Variants in DIAPH3 observed in about 807,000 individuals in gnomAD.
DIAPH3 encodes the protein diaphanous related formin 3, also known as protein diaphanous homolog 3.
DIAPH3 carries 117 observed loss-of-function variants against 144.3 expected under a neutral mutation model. The observed-to-expected ratio is 0.81, with a 90% CI of 0.70 to 0.95. The LOEUF (loss-of-function observed/expected upper bound fraction) is 0.95. Ranked by LOEUF, DIAPH3 falls within the 40% of genes least tolerant of loss-of-function variation. The probability of loss-of-function intolerance (pLI) is 0.00; values close to 1 mark genes in which losing one functional copy is unlikely to be tolerated. For synonymous variants in DIAPH3, 519 were observed against 488.9 expected, an observed-to-expected ratio of 1.06 and a Z score of -0.81; for missense variants, 1,421 against 1,412.7, an observed-to-expected ratio of 1.01 and a Z score of -0.09.
intron 9 of DIAPH3, among the ~76,000 whole-genome samples, chr13:60,003,706 TG>T (rs1321074078): frequency 5.3e-5 from 8 of 151,952 alleles, no homozygotes; most frequent in African/African-American, 1.7e-4. Context: ...CCCGAGTAGC[TG>T]GGACTATAGG....
chr13:59,918,216 A>G (rs2047325971), intron 18 of DIAPH3, among the ~76,000 whole-genome samples: 1 of 151,558 alleles, frequency 6.6e-6, no homozygotes, highest in African/African-American at 2.4e-5. Flanking sequence ...AGGAAAAAAA[A>G]AAAAAAAAGA....
intron 1 of DIAPH3, among the ~76,000 whole-genome samples, chr13:60,143,248 G>A (rs1343230857): frequency 6.6e-6 from 1 of 152,130 alleles, no homozygotes; most frequent in East Asian, 1.9e-4. Flanking sequence ...TGCCTTCCTA[G>A]CACTTTTACA....
At chr13:60,005,278 A>G (rs1027621481) in intron 9 of DIAPH3, among the ~76,000 whole-genome samples, 1 of 152,180 alleles carries the variant, frequency 6.6e-6, no homozygotes, top group Non-Finnish European at 1.5e-5. Flanking sequence ...GCATGATTAC[A>G]TTTACGTGAA....
At chr13:59,797,086 G>A (rs1290142677) in intron 25 of DIAPH3, among the ~76,000 whole-genome samples, 1 of 151,710 alleles carries the variant, frequency 6.6e-6, no homozygotes, top group Non-Finnish European at 1.5e-5. Context: ...TATTAACAGA[G>A]AATAGCAATA....
chr13:59,892,089 G>A (rs1420634008), intron 20 of DIAPH3, among the ~76,000 whole-genome samples: 2 of 151,920 alleles, frequency 1.3e-5, no homozygotes, highest in African/African-American at 4.8e-5. Context: ...AGCAGAGGGA[G>A]AAGGGGAGAA....
At chr13:59,917,423 A>T (rs2047272717) in intron 18 of DIAPH3, among the ~76,000 whole-genome samples, 2 of 152,146 alleles carry the variant, frequency 1.3e-5, no homozygotes, top group Admixed American at 1.3e-4. Flanking sequence ...GATTTGTGAG[A>T]ATATCATGTA....
At position 60,092,519 on chromosome 13, in the gene DIAPH3, C is replaced by T. The variant is rs532337358; in HGVS notation, c.495+1109G>A. On this transcript the variant is annotated intron_variant, in intron 4 of 27. Coordinates refer to ENST00000400324, the MANE Select transcript of DIAPH3 (RefSeq NM_001042517.2). The stretch of plus-strand genomic sequence containing the variant: ...TACAAAAAATTTCCAGGCGTGGTGG[C>T]AGGCGCCTGTAGTCCCAGCTACTCC... Among the ~76,000 whole-genome samples the T allele has an allele frequency of 4.0e-3, 602 of 152,236 alleles. 3 individuals are homozygous for T. The highest frequency in any genetic ancestry group is 0.014 in the African/African-American group (574 of 41,552).
In DIAPH3 at chr13:59,992,731, CTACA is replaced by C; in HGVS notation, c.1015-152_1015-149del. 6 of 657,706 alleles carry C rather than the reference CTACA, an allele frequency of 9.1e-6. No individual in the cohort carries two copies. The South Asian group carries it at 1.1e-4, about 12-fold the overall frequency. The allele number at this position is 657,706 out of a possible 1,614,324, so 40.7% of individuals were successfully genotyped here. A position where few individuals can be genotyped will look rare whatever the true frequency, so the allele number is the denominator to read the frequency against. ...GCAAAATATTTCAGTCAGTTATAAA[CTACA>C]GAAGAAATAAAGTTTCAGTGGCGTT... On this transcript the variant is annotated intron_variant, in intron 9 of 27. Coordinates refer to ENST00000400324, the MANE Select transcript of DIAPH3 (RefSeq NM_001042517.2).
chr13:59,755,486 G>A (rs1261854204), intron 27 of DIAPH3, among the ~76,000 whole-genome samples: 1 of 151,856 alleles, frequency 6.6e-6, no homozygotes, highest in Non-Finnish European at 1.5e-5. Context: ...ACAGGATGAA[G>A]TTCAATTAAG....
intron 2 of DIAPH3, among the ~76,000 whole-genome samples, chr13:60,119,019 G>T (rs546045722): frequency 3.9e-5 from 6 of 152,218 alleles, no homozygotes; most frequent in African/African-American, 1.4e-4. Context: ...AAATGTAAGT[G>T]CCATGCTAGA....
chr13:59,806,749 T>C (rs1299214206), intron 25 of DIAPH3, among the ~76,000 whole-genome samples: 1 of 151,856 alleles, frequency 6.6e-6, no homozygotes, highest in Non-Finnish European at 1.5e-5. Flanking sequence ...AAAAGAACAA[T>C]AAAAAGTGGC....
chr13:59,992,103 T>C lies in DIAPH3; in HGVS notation c.1209A>G (p.Leu403=), dbSNP rs368126356. Residue 403 remains leucine, a synonymous_variant, in exon 11 of 28, where the codon TTA becomes TTG. Transcript: ENST00000400324. ...DEHKEEDLFE[L]SHRLEDIRAE... is the part of the protein sequence containing the mutation. Reference sequence around the variant, plus strand: ...CTCTAATATCTTCAAGGCGATGGGATAACTCAAACAAATCTTCTTCTTTAT... The same window carrying C: ...CTCTAATATCTTCAAGGCGATGGGACAACTCAAACAAATCTTCTTCTTTAT... 3.1e-6 allele frequency: 5 copies of C among 1,611,862 alleles called. No homozygotes were observed. Among genetic ancestry groups the C allele is most frequent in the African/African-American group, 2.7e-5 (2 of 74,790 alleles).
chr13:59,950,207 G>C (rs566925386), intron 17 of DIAPH3, among the ~76,000 whole-genome samples: 1 of 152,194 alleles, frequency 6.6e-6, no homozygotes, highest in East Asian at 1.9e-4. Context: ...CCTCCCTAAT[G>C]TAAACACAAC....
intron 5 of DIAPH3, among the ~76,000 whole-genome samples, chr13:60,032,528 C>G (rs1177707828): frequency 6.6e-6 from 1 of 152,220 alleles, no homozygotes; most frequent in East Asian, 1.9e-4. Flanking sequence ...CTTGCACTCT[C>G]TGGAGCTGTG....
At chr13:60,053,241 G>T (rs1269314704) in intron 4 of DIAPH3, among the ~76,000 whole-genome samples, 1 of 151,850 alleles carries the variant, frequency 6.6e-6, no homozygotes, top group Admixed American at 6.6e-5. Flanking sequence ...GGAAGGAAAG[G>T]ATACTCACGG....
chr13:59,759,980 C>T (rs921519291), intron 27 of DIAPH3, among the ~76,000 whole-genome samples: 1 of 151,154 alleles, frequency 6.6e-6, no homozygotes, highest in East Asian at 2.0e-4. Flanking sequence ...AACAAACAAA[C>T]AAAAAGTGAT....
chr13:60,008,576 C>T lies in DIAPH3; in HGVS notation c.982G>A (p.Glu328Lys). The part of the protein sequence containing the change: ...KKIDRFFCIV[E>K]GLRHNSVQLQ... ...TGAACTGAATTGTGCCGGAGGCCTT[C>T]CACAATACAAAAAAATCTGTCAATT... Residue 328 changes from glutamate to lysine, a missense_variant, in exon 9 of 28, where the codon GAA (glutamate) becomes AAA (lysine). Coordinates refer to ENST00000400324, the MANE Select transcript of DIAPH3 (RefSeq NM_001042517.2). 1 of 1,613,564 alleles carries T rather than the reference C, an allele frequency of 6.2e-7. No individual in the cohort carries two copies. The highest frequency in any genetic ancestry group is 1.1e-5 in the South Asian group (1 of 91,062).
At chr13:59,723,045 G>T (rs1464387528) in intron 27 of DIAPH3, among the ~76,000 whole-genome samples, 1 of 152,114 alleles carries the variant, frequency 6.6e-6, no homozygotes, top group Non-Finnish European at 1.5e-5. Context: ...TGAGGAAGAG[G>T]TTCTAAAACT....
intron 27 of DIAPH3, among the ~76,000 whole-genome samples, chr13:59,745,930 T>A (rs555598039): frequency 2.0e-5 from 3 of 152,346 alleles, no homozygotes; most frequent in African/African-American, 7.2e-5. Context: ...TCTGGAATGA[T>A]ATGAATTGAA....
Sources: gnomAD v4.1 joint callset for allele counts (sites outside exome capture counted in the v4.1 genomes callset) on GRCh38, gnomAD v4.1.1 for gene constraint, MANE v1.5 for transcripts, NCBI Gene and HGNC (gene_info 2026-07-23, HGNC 2026-07-21) for gene names.